The following SH2D4A variants were observed in gnomAD, a reference collection of about 807,000 sequenced individuals.
The protein encoded by SH2D4A is SH2 domain-containing protein 4A.
A neutral mutation model predicts 64.7 loss-of-function variants in SH2D4A; 70 were observed. The observed-to-expected ratio is 1.08, with a 90% CI of 0.89 to 1.32. The LOEUF (loss-of-function observed/expected upper bound fraction) is 1.32, where lower values mean the gene tolerates loss of function less well. Ranked by LOEUF, SH2D4A falls within the 40% of genes most tolerant of loss-of-function variation. The pLI is 0.00. For missense variants in SH2D4A, 706 were observed against 540.1 expected (o/e 1.31, Z -3.04); for synonymous variants, 268 against 200.7 (o/e 1.34, Z -2.83).
intron 2 of SH2D4A, among the ~76,000 whole-genome samples, chr8:19,321,941 G>C (rs1212625565): frequency 2.0e-5 from 3 of 152,124 alleles, no homozygotes; most frequent in African/African-American, 7.2e-5. Context: ...GTAGGGTTTT[G>C]AATCTACCTC....
Position 19,373,986 on chromosome 8 carries a change from C to T in SH2D4A, c.1048+326C>T, listed in dbSNP as rs558423341. 5.9e-5 allele frequency among the ~76,000 whole-genome samples: 9 copies of T among 152,288 alleles called. No homozygotes were observed. The South Asian group carries it at 6.2e-4, about 11-fold the overall frequency. ...GTTTGTGACTTCCATCAAATGGCCA[C>T]GTCTTCCTTTCACCGAGGGACACAC... On this transcript the variant is annotated intron_variant, in intron 8 of 9. Coordinates refer to ENST00000265807, the MANE Select transcript of SH2D4A (RefSeq NM_022071.4).
chr8:19,364,439 G>C (rs924562890), intron 7 of SH2D4A, among the ~76,000 whole-genome samples, 157 bp downstream of exon 7: 2 of 152,204 alleles, frequency 1.3e-5, no homozygotes, highest in African/African-American at 4.8e-5. Flanking sequence ...CCTTCTTCCT[G>C]GGTGATCTGG....
chr8:19,363,091 T>G (rs2052921823), intron 6 of SH2D4A, among the ~76,000 whole-genome samples: 1 of 152,114 alleles, frequency 6.6e-6, no homozygotes, highest in African/African-American at 2.4e-5. Context: ...TTTTATTTTT[T>G]TGAGATGGAG....
At chr8:19,367,091 AC>A (rs1434915988) in intron 7 of SH2D4A, among the ~76,000 whole-genome samples, 1 of 151,892 alleles carries the variant, frequency 6.6e-6, no homozygotes, top group Non-Finnish European at 1.5e-5. Flanking sequence ...AGGATATTAT[AC>A]TTTTTATGTC....
At chr8:19,335,146 G>T (rs1235636013) in intron 4 of SH2D4A, among the ~76,000 whole-genome samples, 1 of 152,082 alleles carries the variant, frequency 6.6e-6, no homozygotes, top group Non-Finnish European at 1.5e-5. Context: ...AAATTAGCTG[G>T]GCGTGGTGGC....
At chr8:19,382,619 G>A (rs1375331701) in intron 8 of SH2D4A, among the ~76,000 whole-genome samples, 1 of 152,050 alleles carries the variant, frequency 6.6e-6, no homozygotes, top group East Asian at 1.9e-4. Flanking sequence ...GGTGTATTAA[G>A]TGCATTTTTG....
intron 8 of SH2D4A, among the ~76,000 whole-genome samples, chr8:19,384,141 A>C (rs2053345134): frequency 1.3e-5 from 2 of 152,150 alleles, no homozygotes; most frequent in Admixed American, 1.3e-4. Context: ...GCCCTATGTT[A>C]TTTCTACAAG....
intron 1 of SH2D4A, among the ~76,000 whole-genome samples, chr8:19,315,915 C>A (rs1457739079): frequency 2.0e-5 from 3 of 152,188 alleles, no homozygotes; most frequent in Admixed American, 6.5e-5. Context: ...AAGTCACAGA[C>A]TGAACCAGTC....
chr8:19,377,201 T>G (rs11990361), intron 8 of SH2D4A, among the ~76,000 whole-genome samples: 2,884 of 152,208 alleles, frequency 0.019, 104 homozygotes, highest in African/African-American at 0.066. Context: ...GGCTAACATG[T>G]CAAGACCCCG....
At position 19,380,194 on chromosome 8, in the gene SH2D4A, T is replaced by C. The variant is rs557091401; in HGVS notation, c.1048+6534T>C. Among the ~76,000 whole-genome samples, 237 of 152,350 alleles carry C rather than the reference T, an allele frequency of 1.6e-3. 1 individual carries two copies. Among genetic ancestry groups the C allele is most frequent in the African/African-American group, 5.4e-3 (223 of 41,588 alleles). ...TATATCTTCTTTGACAAATGTTTAC[T>C]TGAACTCTTTGCCCAGTTTTGGATT... On this transcript the variant is annotated intron_variant, in intron 8 of 9. Coordinates refer to ENST00000265807, the MANE Select transcript of SH2D4A (RefSeq NM_022071.4).
At chr8:19,323,676 C>T (rs764305664) in intron 2 of SH2D4A, among the ~76,000 whole-genome samples, 5 of 152,112 alleles carry the variant, frequency 3.3e-5, no homozygotes, top group East Asian at 1.9e-4. Context: ...CCAGGGCACC[C>T]GGCCTCCTTT....
At chr8:19,380,891 T>G (rs956169450) in intron 8 of SH2D4A, among the ~76,000 whole-genome samples, 3 of 152,156 alleles carry the variant, frequency 2.0e-5, no homozygotes, top group Admixed American at 2.0e-4. Flanking sequence ...TGGATGGGTT[T>G]TTCTATTTCT....
chr8:19,380,306 G>A (rs555281206), intron 8 of SH2D4A, among the ~76,000 whole-genome samples: 2 of 152,056 alleles, frequency 1.3e-5, no homozygotes, highest in East Asian at 1.9e-4. Flanking sequence ...AAATATTTTC[G>A]CCTGTTTTAT....
At chr8:19,393,689 A>T in intron 9 of SH2D4A, 148 bp downstream of exon 9, 6 of 744,096 alleles carry the variant, frequency 8.1e-6, no homozygotes, top group Non-Finnish European at 1.3e-5. Context: ...TCTTCCTGAT[A>T]ATCAGGATTG....
intron 7 of SH2D4A, among the ~76,000 whole-genome samples, chr8:19,371,355 AT>A (rs150994776): frequency 0.026 from 3,840 of 146,102 alleles, 71 homozygotes; most frequent in African/African-American, 0.05. Flanking sequence ...TCTGGGTTGC[AT>A]TTTTTTTTTC....
In SH2D4A at chr8:19,362,797, AAAT is replaced by A. The variant is rs1161095541; in HGVS notation, c.707-1266_707-1264del. Among the ~76,000 whole-genome samples, 16 of 152,228 alleles carry A rather than the reference AAAT, an allele frequency of 1.1e-4. No homozygotes were observed. In the East Asian group the frequency reaches 1.7e-3, roughly 17 times the overall value. ...AGACACACACATACAGAAAACCAAA[AAAT>A]AATAATAAAACCCCAAAATAATGGG... is the stretch of plus-strand genomic sequence containing the variant. On this transcript the variant is annotated intron_variant, in intron 6 of 9. Transcript: ENST00000265807.
At chr8:19,374,948 G>A (rs1393007279) in intron 8 of SH2D4A, among the ~76,000 whole-genome samples, 2 of 152,162 alleles carry the variant, frequency 1.3e-5, no homozygotes, top group Admixed American at 1.3e-4. Context: ...AGAAGATGCT[G>A]TCATCTCTGA....
intron 4 of SH2D4A, among the ~76,000 whole-genome samples, chr8:19,342,438 T>C (rs1374054487): frequency 1.3e-5 from 2 of 152,242 alleles, no homozygotes; most frequent in Non-Finnish European, 2.9e-5. Flanking sequence ...GGTAAGAGGA[T>C]AGCTGGGAGC....
intron 4 of SH2D4A, among the ~76,000 whole-genome samples, chr8:19,336,983 C>T (rs2052455400): frequency 6.6e-6 from 1 of 151,648 alleles, no homozygotes; most frequent in African/African-American, 2.4e-5. Flanking sequence ...AAATAGATAC[C>T]ACAGTTATTA....
Sources: gnomAD v4.1 joint callset for allele counts (sites outside exome capture counted in the v4.1 genomes callset) on GRCh38, gnomAD v4.1.1 for gene constraint, MANE v1.5 for transcripts, NCBI Gene and HGNC (gene_info 2026-07-23, HGNC 2026-07-21) for gene names.